The following EPPK1 variants were observed in gnomAD, a reference collection of about 807,000 sequenced individuals.
EPPK1 encodes the protein epiplakin.
For missense variants in EPPK1, 3,823 were observed against 3,673.3 expected, an observed-to-expected ratio of 1.04 and a Z score of -1.05; for synonymous variants, 1,862 against 1,721.2, an observed-to-expected ratio of 1.08 and a Z score of -2.03.
chr8:143,869,728 G>A lies in EPPK1; in HGVS notation c.3526C>T (p.Leu1176=). The A allele has an allele frequency of 6.3e-7, 1 of 1,599,472 alleles. No homozygotes were observed. Among genetic ancestry groups the A allele is most frequent in the Non-Finnish European group, 8.5e-7 (1 of 1,174,022 alleles). ...TGTACCCACCTCTGCACAGAGGCTA[G>A]CAGCTGTGGCACAGTGGTCCTCCCC... ...QEGRTTVPQL[L]ASVQRWVQET... Residue 1176 remains leucine, a synonymous_variant, in exon 2 of 2, where the codon CTA becomes TTA. Transcript: ENST00000615648.
Position 143,865,275 on chromosome 8 carries a change from C to G in EPPK1, c.7979G>C (p.Trp2660Ser). ...GQFQGRPVSVWDVLFSSYLSE... is the reference protein window; with the variant it reads ...GQFQGRPVSVSDVLFSSYLSE... The stretch of plus-strand genomic sequence containing the variant: ...CAGGTACGAGGAGAAGAGGACGTCC[C>G]ACACGGAGACCGGCCGCCCCTGGAA... Residue 2660 changes from tryptophan (W) to serine (S), a missense_variant, in exon 2 of 2, where the codon TGG becomes TCG. Coordinates refer to ENST00000615648, the MANE Select transcript of EPPK1 (RefSeq NM_031308.4). 2.7e-6 allele frequency: 1 copy of G among 372,776 alleles called. No individual in the cohort carries two copies. The allele number at this position is 372,776 out of a possible 1,614,324, so 23.1% of individuals were successfully genotyped here.
Position 143,871,476 on chromosome 8 carries a change from G to C in EPPK1, c.1778C>G (p.Ala593Gly). The stretch of plus-strand genomic sequence containing the variant: ...CGAGGCCAGGCTGCCCACATCCTTG[G>C]CTGTGGCCTGTCCATGCTCCAGCCG... ...YERLEHGQATAKDVGSLASVQ... is the reference protein window; with the variant it reads ...YERLEHGQATGKDVGSLASVQ... The change falls in exon 2 of 2, where the codon GCC becomes GGC. Residue 593 changes from alanine (A) to glycine (G), a missense_variant. Ala to Gly is a moderately conservative substitution (Grantham distance 60). Transcript: ENST00000615648. 1 of 1,608,816 alleles carries C rather than the reference G, an allele frequency of 6.2e-7. No individual in the cohort carries two copies. The highest frequency in any genetic ancestry group is 8.5e-7 in the Non-Finnish European group (1 of 1,178,606).
chr8:143,867,946 T>C lies in EPPK1; in HGVS notation c.5308A>G (p.Asn1770Asp). Residue 1770 changes from asparagine (N) to aspartate (D), a missense_variant, in exon 2 of 2, where the codon AAT (asparagine) becomes GAT (aspartate). Transcript: ENST00000615648. The part of the protein sequence containing the change: ...IKKGENYVYI[N>D]EATRHVLQSR... Reference sequence around the variant, plus strand: ...TGCAACACGTGTCTCGTGGCCTCATTGATGTACACGTAGTTTTCTCCTTTC... The same window carrying C: ...TGCAACACGTGTCTCGTGGCCTCATCGATGTACACGTAGTTTTCTCCTTTC... 6.2e-7 allele frequency: 1 copy of C among 1,613,628 alleles called. No homozygotes were observed. Among genetic ancestry groups the C allele is most frequent in the Non-Finnish European group, 8.5e-7 (1 of 1,179,918 alleles).
rs782594371 is a variant in EPPK1, at chr8:143,872,581, C to T, written c.673G>A (p.Gly225Arg). 1 of 1,608,668 alleles carries T rather than the reference C, an allele frequency of 6.2e-7. No individual in the cohort carries two copies. The highest frequency in any genetic ancestry group is 1.1e-5 in the South Asian group (1 of 90,770). The change falls in exon 2 of 2, where the codon GGG becomes AGG. Residue 225 changes from glycine to arginine, a missense_variant. By Grantham distance (125) the Gly-to-Arg change is moderately radical. Transcript: ENST00000615648. ...ATCTTGAGGGGCAGCAAGGCTAGCCCCGAGCCGGGGGCACGCACACACCTT... is the reference window on the plus strand; with the variant it reads ...ATCTTGAGGGGCAGCAAGGCTAGCCTCGAGCCGGGGGCACGCACACACCTT... ...LERCVRAPGS[G>R]LALLPLKITF...
rs1819065038 is a variant in EPPK1, at chr8:143,864,756, T to C, written c.8498A>G (p.Gln2833Arg). Residue 2833 changes from glutamine to arginine, a missense_variant, in exon 2 of 2, where the codon CAG becomes CGG. Gln to Arg is a conservative substitution (Grantham distance 43). Coordinates refer to ENST00000615648, the MANE Select transcript of EPPK1 (RefSeq NM_031308.4). The part of the protein sequence containing the change: ...VAAGVVGGEI[Q>R]EKLLSAERAV... ...GCGCTCGGCCGACAGCAGCTTCTCC[T>C]GGATCTCGCCGCCCACCACGCCCGC... 5.0e-6 allele frequency: 2 copies of C among 398,868 alleles called. No homozygotes were observed. Among genetic ancestry groups the C allele is most frequent in the African/African-American group, 3.0e-5 (1 of 33,782 alleles). The allele number at this position is 398,868 out of a possible 1,614,324, so 24.7% of individuals were successfully genotyped here. A position where few individuals can be genotyped will look rare whatever the true frequency, so the allele number is the denominator to read the frequency against.
rs782167614 is a variant in EPPK1 at position 143,868,006 on chromosome 8, G to T, written c.5248C>A (p.Pro1750Thr). The T allele has an allele frequency of 6.2e-6, 10 of 1,613,574 alleles. No individual in the cohort carries two copies. Among genetic ancestry groups the T allele is most frequent in the Admixed American group, 1.7e-5 (1 of 59,994 alleles). The change falls in exon 2 of 2, where the codon CCC (proline) becomes ACC (threonine). Residue 1750 changes from proline to threonine, a missense_variant. By Grantham distance (38) the Pro-to-Thr change is conservative. Transcript: ENST00000615648. ...TGTAGCAGGTACAGGCCCGTCTCGG[G>T]GTCCTCCACACAGCGCTCCAGAAGC... Reference protein sequence around the residue: ...LQLLERCVEDPETGLYLLQII... With the variant: ...LQLLERCVEDTETGLYLLQII...
At position 143,873,209 on chromosome 8, in the gene EPPK1, G is replaced by T; in HGVS notation, c.45C>A (p.Asn15Lys). ...TGGGTACACTGGCCTGCTCTGTGCT[G>T]TTGGTGCCTGGGACGGGAAGAGGAG... The part of the protein sequence containing the change: ...TLPPLPVPGT[N>K]STEQASVPRA... Residue 15 changes from asparagine (N) to lysine (K), a missense_variant, in exon 2 of 2, where the codon AAC becomes AAA. By Grantham distance (94) the Asn-to-Lys change is moderately conservative. Coordinates refer to ENST00000615648, the MANE Select transcript of EPPK1 (RefSeq NM_031308.4). 6.3e-7 allele frequency: 1 copy of T among 1,583,308 alleles called. No individual in the cohort carries two copies. Among genetic ancestry groups the T allele is most frequent in the Non-Finnish European group, 8.5e-7 (1 of 1,169,842 alleles).
chr8:143,857,970 G>T lies in EPPK1; in HGVS notation c.*17C>A. Reference sequence around the variant, plus strand: ...CACTTCTCCAGAGTTGCAGAAAACTGCACGGAGGAAGCCCAGTCACTGTAG... The same window carrying T: ...CACTTCTCCAGAGTTGCAGAAAACTTCACGGAGGAAGCCCAGTCACTGTAG... On this transcript the variant is annotated 3_prime_UTR_variant, in exon 2 of 2. Coordinates refer to ENST00000615648, the MANE Select transcript of EPPK1 (RefSeq NM_031308.4). 2 of 1,519,406 alleles carry T rather than the reference G, an allele frequency of 1.3e-6. No individual in the cohort carries two copies. Among genetic ancestry groups the T allele is most frequent in the Non-Finnish European group, 1.8e-6 (2 of 1,122,516 alleles). The allele number at this position is 1,519,406 out of a possible 1,614,324, so 94.1% of individuals were successfully genotyped here.
rs1389650080 is a variant in EPPK1, at chr8:143,857,686, T to C, written c.*301A>G. 4 of 364,754 alleles carry C rather than the reference T, an allele frequency of 1.1e-5. No individual in the cohort carries two copies. Among genetic ancestry groups the C allele is most frequent in the African/African-American group, 6.3e-5 (3 of 47,528 alleles). The allele number at this position is 364,754 out of a possible 1,614,324, so 22.6% of individuals were successfully genotyped here. A position where few individuals can be genotyped will look rare whatever the true frequency, so the allele number is the denominator to read the frequency against. On this transcript the variant is annotated 3_prime_UTR_variant, in exon 2 of 2. Transcript: ENST00000615648. ...GTCTAAAGAGTGACATTCTGTAAAATGGAAGCAGTGAATCCAAAACAGACA... is the reference window on the plus strand; with the variant it reads ...GTCTAAAGAGTGACATTCTGTAAAACGGAAGCAGTGAATCCAAAACAGACA...
rs138137510 is a variant in EPPK1 at position 143,868,309 on chromosome 8, C to T, written c.4945G>A (p.Val1649Ile). Residue 1649 changes from valine to isoleucine, a missense_variant, in exon 2 of 2, where the codon GTC becomes ATC. Transcript: ENST00000615648. ...YVKLLSAERA[V>I]TGYTDPYTGQ... The stretch of plus-strand genomic sequence containing the variant: ...GTATAGGGGTCGGTGTAGCCGGTGA[C>T]GGCGCGCTCGGCCGACAGCAGCTTC... 3.3e-4 allele frequency: 539 copies of T among 1,613,156 alleles called. 1 individual carries two copies. The African/African-American group carries it at 5.0e-3, about 15-fold the overall frequency.
At position 143,867,898 on chromosome 8, in the gene EPPK1, C is replaced by T. The variant is rs368495019; in HGVS notation, c.5356G>A (p.Val1786Met). The change falls in exon 2 of 2, where the codon GTG (valine) becomes ATG (methionine). Residue 1786 changes from valine (V) to methionine (M), a missense_variant. Val to Met is a conservative substitution (Grantham distance 21). Transcript: ENST00000615648. ...ACCACCTGGTCAGCAAACCTCCCCA[C>T]GCGCATTTTTGCAGTTCTGGATTGC... ...VLQSRTAKMR[V>M]GRFADQVVSF... 3.3e-5 allele frequency: 54 copies of T among 1,613,350 alleles called. No homozygotes were observed. Among genetic ancestry groups the T allele is most frequent in the East Asian group, 8.9e-5 (4 of 44,894 alleles).
In EPPK1 at chr8:143,866,618, C is replaced by G. The variant is rs569459584; in HGVS notation, c.6636G>C (p.Glu2212Asp). Reference protein sequence around the residue: ...TGRSTTQELMEDDRVKRYLEG... With the variant: ...TGRSTTQELMDDDRVKRYLEG... ...CCAGGTAGCGCTTGACGCGGTCGTC[C>G]TCCATGAGCTCTTGCGTCGTGCTCC... is the stretch of plus-strand genomic sequence containing the variant. The change falls in exon 2 of 2, where the codon GAG becomes GAC. Residue 2212 changes from glutamate to aspartate, a missense_variant. Physicochemically the swap from Glu to Asp is conservative, Grantham distance 45. Coordinates refer to ENST00000615648, the MANE Select transcript of EPPK1 (RefSeq NM_031308.4). The G allele has an allele frequency of 1.2e-6, 2 of 1,612,956 alleles. No individual in the cohort carries two copies. The highest frequency in any genetic ancestry group is 1.7e-5 in the Admixed American group (1 of 60,030).
chr8:143,873,199 G>A lies in EPPK1; in HGVS notation c.55C>T (p.Gln19Ter), dbSNP rs1454701951. 1 of 1,590,620 alleles carries A rather than the reference G, an allele frequency of 6.3e-7. No individual in the cohort carries two copies. The highest frequency in any genetic ancestry group is 1.1e-5 in the South Asian group (1 of 87,446). ...LPVPGTNSTE[Q>*]ASVPRAMAAT... ...GCCATGGCTCTGGGTACACTGGCCT[G>A]CTCTGTGCTGTTGGTGCCTGGGACG... The change falls in exon 2 of 2, where the codon CAG (glutamine) becomes TAG (stop). Residue 19 changes from glutamine to a stop codon, truncating the protein, a stop_gained. Transcript: ENST00000615648. LOFTEE classifies it low-confidence loss of function (END_TRUNC).
chr8:143,868,579 C>G lies in EPPK1; in HGVS notation c.4675G>C (p.Glu1559Gln). ...AGGGACCGCTTCACGCTGTCCATCT[C>G]CGCCACCTCCTTCACAGTCGTTGTC... ...QGTTTVKEVA[E>Q]MDSVKRSLEG... Residue 1559 changes from glutamate to glutamine, a missense_variant, in exon 2 of 2, where the codon GAG (glutamate) becomes CAG (glutamine). Transcript: ENST00000615648. 1 of 1,603,894 alleles carries G rather than the reference C, an allele frequency of 6.2e-7. No individual in the cohort carries two copies. Among genetic ancestry groups the G allele is most frequent in the Non-Finnish European group, 8.5e-7 (1 of 1,175,920 alleles).
At position 143,870,620 on chromosome 8, in the gene EPPK1, G is replaced by A; in HGVS notation, c.2634C>T (p.Ile878=). ...CCCGGCTCCGCAGTGCGGGCAGCAT[G>A]ATGTCCGCCTGTCTCTGCGTCTCCG... ...LEAETQRQAD[I]MLPALRSRVT... The change falls in exon 2 of 2, where the codon ATC becomes ATT. Residue 878 remains isoleucine, a synonymous_variant. Transcript: ENST00000615648. The surrounding 1 kb of genome is among the most constrained non-coding windows in gnomAD (Gnocchi z 5.2). 1 of 1,606,666 alleles carries A rather than the reference G, an allele frequency of 6.2e-7. No homozygotes were observed. The highest frequency in any genetic ancestry group is 8.5e-7 in the Non-Finnish European group (1 of 1,177,580).
rs1554660327 is a variant in EPPK1, at chr8:143,869,381, G to A, written c.3873C>T (p.Asp1291=). 3.1e-6 allele frequency: 5 copies of A among 1,610,234 alleles called. No homozygotes were observed. Among genetic ancestry groups the A allele is most frequent in the South Asian group, 1.1e-5 (1 of 90,878 alleles). Residue 1291 remains aspartate, a synonymous_variant, in exon 2 of 2, where the codon GAC becomes GAT. Coordinates refer to ENST00000615648, the MANE Select transcript of EPPK1 (RefSeq NM_031308.4). The part of the protein sequence containing the change: ...EAQVASGFLV[D]PLNNQRLSVE... ...CTGACAGTCTCTGGTTGTTCAGGGG[G>A]TCAACAAGGAAGCCAGATGCCACCT...
Position 143,867,229 on chromosome 8 carries a change from C to A in EPPK1, c.6025G>T (p.Val2009Leu). Residue 2009 changes from valine to leucine, a missense_variant, in exon 2 of 2, where the codon GTG becomes TTG. Transcript: ENST00000615648. ...EKAEALRLLE[V>L]QVATGGVIDP... is the part of the protein sequence containing the mutation. ...ATGACACCCCCCGTGGCCACCTGCA[C>A]CTCCAGCAGCCTCAGTGCCTCCGCC... 1 of 1,612,772 alleles carries A rather than the reference C, an allele frequency of 6.2e-7. No homozygotes were observed. Among genetic ancestry groups the A allele is most frequent in the Non-Finnish European group, 8.5e-7 (1 of 1,179,816 alleles).
rs1563878375 is a variant in EPPK1, at chr8:143,866,551, C to T, written c.6703G>A (p.Asp2235Asn). 1 of 1,604,054 alleles carries T rather than the reference C, an allele frequency of 6.2e-7. No homozygotes were observed. Reference protein sequence around the residue: ...CIAGVLVPAKDQPGRQEKMSI... With the variant: ...CIAGVLVPAKNQPGRQEKMSI... ...ATCTTCTCCTGGCGGCCGGGCTGGTCCTTGGCGGGCACCAGGACGCCCGCG... is the reference window on the plus strand; with the variant it reads ...ATCTTCTCCTGGCGGCCGGGCTGGTTCTTGGCGGGCACCAGGACGCCCGCG... The change falls in exon 2 of 2, where the codon GAC becomes AAC. Residue 2235 changes from aspartate to asparagine, a missense_variant. Asp to Asn is a conservative substitution (Grantham distance 23). Coordinates refer to ENST00000615648, the MANE Select transcript of EPPK1 (RefSeq NM_031308.4).
In EPPK1 at chr8:143,857,765, A is replaced by G; in HGVS notation, c.*222T>C. 1 of 478,374 alleles carries G rather than the reference A, an allele frequency of 2.1e-6. No individual in the cohort carries two copies. Among genetic ancestry groups the G allele is most frequent in the Non-Finnish European group, 3.6e-6 (1 of 276,242 alleles). The allele number at this position is 478,374 out of a possible 1,614,324, so 29.6% of individuals were successfully genotyped here. On this transcript the variant is annotated 3_prime_UTR_variant, in exon 2 of 2. Transcript: ENST00000615648. ...AGAAAAGTAAAACCATATGACACAT[A>G]GACGACCCAGAAAACACACCAAAAA... is the stretch of plus-strand genomic sequence containing the variant.
Sources: allele counts gnomAD v4.1 joint callset, GRCh38; gene constraint gnomAD v4.1.1; non-coding constraint Gnocchi (gnomAD v3.1); transcripts MANE v1.5; gene names NCBI Gene and HGNC (gene_info 2026-07-23, HGNC 2026-07-21).